TBCA: variants seen among roughly 807,000 people sequenced by gnomAD.
TBCA encodes tubulin folding cofactor A, also known as tubulin-specific chaperone A.
TBCA carries 6 observed loss-of-function variants against 15.8 expected under a neutral mutation model. The ratio of observed to expected loss-of-function variants is 0.38; its 90% confidence interval spans 0.21 to 0.75. The LOEUF (loss-of-function observed/expected upper bound fraction) is 0.75, where lower values mean the gene tolerates loss of function less well. Among genes scored for constraint, TBCA ranks in the 30% least tolerant of loss-of-function variants. The pLI is 0.46. For synonymous variants in TBCA, 32 were observed against 42.3 expected (o/e 0.76, Z 0.94); for missense variants, 90 against 131.2 (o/e 0.69, Z 1.53).
intron 2 of TBCA, among the ~76,000 whole-genome samples, chr5:77,702,044 G>C (rs1440802181): frequency 6.6e-6 from 1 of 152,042 alleles, no homozygotes; most frequent in African/African-American, 2.4e-5. Flanking sequence ...GAGGGAAAGG[G>C]TGGGAATGGG....
chr5:77,699,558 C>A (rs1214713459), intron 2 of TBCA, among the ~76,000 whole-genome samples: 1 of 152,132 alleles, frequency 6.6e-6, no homozygotes, highest in Admixed American at 6.6e-5. Context: ...TCAAACCAAA[C>A]CTAACACTTT....
At chr5:77,725,106 T>C (rs546831279) in intron 1 of TBCA, among the ~76,000 whole-genome samples, 21 of 152,310 alleles carry the variant, frequency 1.4e-4, no homozygotes, top group Non-Finnish European at 2.1e-4. Flanking sequence ...ATGTAGAATA[T>C]ACTCCAATTT....
At chr5:77,755,115 A>C (rs1747442313) in intron 1 of TBCA, among the ~76,000 whole-genome samples, 1 of 152,238 alleles carries the variant, frequency 6.6e-6, no homozygotes. Context: ...ACAATAACAA[A>C]AAGAAATGGT....
At chr5:77,733,115 T>C (rs1746813577) in intron 1 of TBCA, among the ~76,000 whole-genome samples, 1 of 152,156 alleles carries the variant, frequency 6.6e-6, no homozygotes, top group South Asian at 2.1e-4. Flanking sequence ...ACCCCGTCTC[T>C]ACTAAAAATA....
intron 1 of TBCA, chr5:77,715,293 G>C (rs1022250205): frequency 2.8e-6 from 2 of 702,186 alleles, no homozygotes; most frequent in Non-Finnish European, 5.2e-6. Flanking sequence ...ATGAAACCAG[G>C]AAGTCCTTGT....
Position 77,703,161 on chromosome 5 carries a change from T to C in TBCA, c.159+5081A>G, listed in dbSNP as rs574689292. On this transcript the variant is annotated intron_variant, in intron 2 of 3. Transcript: ENST00000380377. ...ACATTACTGTAACTATATGCAATAA[T>C]TGCAAAGCTTTTGTGAAAACTCTTT... 2.6e-5 allele frequency among the ~76,000 whole-genome samples: 4 copies of C among 152,362 alleles called. No homozygotes were observed. In the East Asian group the frequency reaches 7.7e-4, roughly 29 times the overall value.
intron 2 of TBCA, chr5:77,693,580 C>T: frequency 2.0e-6 from 1 of 511,858 alleles, no homozygotes; most frequent in South Asian, 1.9e-5. Context: ...AGGCAGATCA[C>T]CTGAGGTCAG....
Position 77,728,845 on chromosome 5 carries a change from TG to T in TBCA, c.54-20499del, listed in dbSNP as rs200438872. On this transcript the variant is annotated intron_variant, in intron 1 of 3. Coordinates refer to ENST00000380377, the MANE Select transcript of TBCA (RefSeq NM_004607.3). The stretch of plus-strand genomic sequence containing the variant: ...GAGGTAGTCTACTGAAGGGCCTCAT[TG>T]AAAAGCCTTCCCTTCCTTGGTCAGT... Among the ~76,000 whole-genome samples, 29 of 152,122 alleles carry T rather than the reference TG, an allele frequency of 1.9e-4. No individual in the cohort carries two copies. In the East Asian group the frequency reaches 5.2e-3, roughly 27 times the overall value.
chr5:77,760,387 C>T (rs1286416709), intron 1 of TBCA, among the ~76,000 whole-genome samples: 1 of 152,066 alleles, frequency 6.6e-6, no homozygotes, highest in African/African-American at 2.4e-5. Flanking sequence ...TTCCTTCCTC[C>T]TTTTTCCTTT....
intron 1 of TBCA, among the ~76,000 whole-genome samples, chr5:77,763,961 A>G (rs1302513162): frequency 6.6e-6 from 1 of 152,230 alleles, no homozygotes; most frequent in Non-Finnish European, 1.5e-5. Flanking sequence ...ACAGTTAATA[A>G]GTGAAACAAT....
intron 1 of TBCA, among the ~76,000 whole-genome samples, chr5:77,749,788 G>A (rs80117176): frequency 6.6e-6 from 1 of 152,218 alleles, no homozygotes; most frequent in African/African-American, 2.4e-5. Flanking sequence ...TTCCAAAACA[G>A]CAAAACTTTG....
chr5:77,765,524 A>G (rs940136581), intron 1 of TBCA, among the ~76,000 whole-genome samples: 1 of 152,176 alleles, frequency 6.6e-6, no homozygotes, highest in Admixed American at 6.5e-5. Flanking sequence ...CCTTACATGA[A>G]GTCCTTCTAA....
intron 1 of TBCA, among the ~76,000 whole-genome samples, chr5:77,738,524 C>T (rs202096289): frequency 6.6e-4 from 100 of 152,306 alleles, no homozygotes; most frequent in African/African-American, 2.3e-3. Context: ...CATGGCCTGC[C>T]CACTAGGCTA....
intron 1 of TBCA, among the ~76,000 whole-genome samples, chr5:77,765,550 C>T (rs889764446): frequency 3.3e-5 from 5 of 152,122 alleles, no homozygotes; most frequent in African/African-American, 1.2e-4. Context: ...GTACCCTCTC[C>T]CTCCTACTTT....
intron 1 of TBCA, among the ~76,000 whole-genome samples, chr5:77,728,935 T>A (rs1746694344): frequency 6.6e-6 from 1 of 152,154 alleles, no homozygotes; most frequent in Admixed American, 6.5e-5. Context: ...AGTGGACTCA[T>A]GACTTAAGGG....
chr5:77,743,456 C>G (rs112244825), intron 1 of TBCA, among the ~76,000 whole-genome samples: 1 of 152,230 alleles, frequency 6.6e-6, no homozygotes, highest in Non-Finnish European at 1.5e-5. Context: ...GACTACAATG[C>G]AGTTCTGACC....
intron 1 of TBCA, among the ~76,000 whole-genome samples, chr5:77,724,786 T>C (rs1042667083): frequency 6.6e-6 from 1 of 152,194 alleles, no homozygotes; most frequent in Non-Finnish European, 1.5e-5. Flanking sequence ...ACTGTTTGCC[T>C]TTTGCCCTGA....
At chr5:77,768,880 T>C (rs527727002) in intron 1 of TBCA, among the ~76,000 whole-genome samples, 2 of 152,332 alleles carry the variant, frequency 1.3e-5, no homozygotes, top group African/African-American at 2.4e-5. Flanking sequence ...TAGACTGCCA[T>C]TATTAATAAA....
At chr5:77,737,088 T>C (rs1746927140) in intron 1 of TBCA, among the ~76,000 whole-genome samples, 1 of 152,232 alleles carries the variant, frequency 6.6e-6, no homozygotes, top group Non-Finnish European at 1.5e-5. Context: ...TACAATTGAA[T>C]AGTTTTCCTG....
Sources: allele counts gnomAD v4.1 joint callset (sites outside exome capture counted in the v4.1 genomes callset), GRCh38; gene constraint gnomAD v4.1.1; transcripts MANE v1.5; gene names NCBI Gene and HGNC (gene_info 2026-07-23, HGNC 2026-07-21).